Variants in RBFOX1 observed in about 807,000 individuals in gnomAD.
RBFOX1 encodes RNA binding fox-1 homolog 1.
RBFOX1 carries 8 observed loss-of-function variants against 57.7 expected under a neutral mutation model. The observed-to-expected ratio is 0.14, with a 90% CI of 0.08 to 0.25. The LOEUF (loss-of-function observed/expected upper bound fraction) is 0.25. RBFOX1 is among the 10% of genes least tolerant of loss of function. The pLI, the probability that RBFOX1 is intolerant of heterozygous loss-of-function variation, is 1.00. For missense variants in RBFOX1, 611 were observed against 548.5 expected, an observed-to-expected ratio of 1.11 and a Z score of -1.14; for synonymous variants, 326 against 222.4, an observed-to-expected ratio of 1.47 and a Z score of -4.15.
At chr16:6,692,992 T>C (rs1187968452) in intron 3 of RBFOX1, among the ~76,000 whole-genome samples, 1 of 150,676 alleles carries the variant, frequency 6.6e-6, no homozygotes, top group African/African-American at 2.5e-5. Flanking sequence ...ACCATCGTTC[T>C]CCTCCACTAC....
chr16:6,327,218 A>G (rs554354119), intron 2 of RBFOX1, among the ~76,000 whole-genome samples: 2 of 151,932 alleles, frequency 1.3e-5, no homozygotes, highest in Admixed American at 6.6e-5. Context: ...CTGCTTAAGC[A>G]TTGTTTTTTA....
At chr16:7,497,051 C>A (rs1156283771) in intron 4 of RBFOX1, among the ~76,000 whole-genome samples, 1 of 152,136 alleles carries the variant, frequency 6.6e-6, no homozygotes, top group African/African-American at 2.4e-5. Flanking sequence ...CCACCTTTTC[C>A]TGTCTCCAGC....
chr16:5,369,685 C>T (rs2065811203), intron 1 of RBFOX1, among the ~76,000 whole-genome samples: 1 of 152,228 alleles, frequency 6.6e-6, no homozygotes, highest in South Asian at 2.1e-4. Context: ...TTCCAAAGCA[C>T]ACCTGCTTTC....
At chr16:6,020,662 G>C (rs1354037231) in intron 1 of RBFOX1, among the ~76,000 whole-genome samples, 1 of 152,112 alleles carries the variant, frequency 6.6e-6, no homozygotes, top group Non-Finnish European at 1.5e-5. Flanking sequence ...GGAAACACAG[G>C]GGTAGCAGAT....
At chr16:6,693,659 A>G (rs113902809) in intron 3 of RBFOX1, among the ~76,000 whole-genome samples, 24,688 of 149,276 alleles carry the variant, frequency 0.17, 2,156 homozygotes, top group Middle Eastern at 0.23. Context: ...AATCATCATC[A>G]TCATCCTCAT....
intron 3 of RBFOX1, among the ~76,000 whole-genome samples, chr16:5,828,232 C>G (rs1287345873): frequency 6.6e-6 from 1 of 152,146 alleles, no homozygotes; most frequent in African/African-American, 2.4e-5. Flanking sequence ...TCCATTCAAC[C>G]ACCCACAAAT....
rs573208190 is a variant in RBFOX1 at position 7,261,451 on chromosome 16, C to G, written c.27+209353C>G. The stretch of plus-strand genomic sequence containing the variant: ...GTGCCTAATAGTTAAAAGTTGGATG[C>G]TTGTTGAGTAAGTGAGTGTATGAGT... On this transcript the variant is annotated intron_variant, in intron 4 of 15. Transcript: ENST00000550418. Among the ~76,000 whole-genome samples, 45 of 152,240 alleles carry G rather than the reference C, an allele frequency of 3.0e-4. 1 individual carries two copies. The highest frequency in any genetic ancestry group is 6.6e-4 in the Non-Finnish European group (45 of 68,022).
At chr16:5,471,809 G>A (rs865831571) in intron 2 of RBFOX1, among the ~76,000 whole-genome samples, 1 of 152,212 alleles carries the variant, frequency 6.6e-6, no homozygotes, top group African/African-American at 2.4e-5. Context: ...CTAGCCTAGA[G>A]TGGGGATCAA....
chr16:6,813,721 C>G (rs546949885), intron 3 of RBFOX1, among the ~76,000 whole-genome samples: 1 of 152,160 alleles, frequency 6.6e-6, no homozygotes, highest in African/African-American at 2.4e-5. Context: ...AAAATCTTCT[C>G]CCTCTGTCCC....
chr16:5,697,275 G>T (rs1421051317), intron 3 of RBFOX1, among the ~76,000 whole-genome samples: 1 of 151,640 alleles, frequency 6.6e-6, no homozygotes, highest in South Asian at 2.1e-4. Flanking sequence ...GACTGTTTTC[G>T]CTCTCTCTTT....
chr16:5,578,731 T>C (rs998671348), intron 2 of RBFOX1, among the ~76,000 whole-genome samples: 4 of 151,770 alleles, frequency 2.6e-5, no homozygotes, highest in Admixed American at 2.6e-4. Context: ...TAATGAACCA[T>C]GGAGGGAATG....
At chr16:6,999,013 C>G (rs1008909930) in intron 3 of RBFOX1, among the ~76,000 whole-genome samples, 6 of 151,246 alleles carry the variant, frequency 4.0e-5, no homozygotes, top group Non-Finnish European at 5.9e-5. Context: ...GAATTACAAG[C>G]ATCCACTACC....
At chr16:5,877,647 C>G (rs2057649148) in intron 4 of RBFOX1, among the ~76,000 whole-genome samples, 1 of 152,242 alleles carries the variant, frequency 6.6e-6, no homozygotes, top group Admixed American at 6.5e-5. Context: ...ACAGTAGCAG[C>G]AGAGGGACTG....
chr16:7,342,877 G>C (rs2096924857), intron 4 of RBFOX1, among the ~76,000 whole-genome samples: 1 of 152,196 alleles, frequency 6.6e-6, no homozygotes, highest in South Asian at 2.1e-4. Context: ...GGTTGCATCA[G>C]GGGGCCATGT....
intron 3 of RBFOX1, among the ~76,000 whole-genome samples, chr16:6,677,272 G>A (rs1489016586): frequency 1.3e-5 from 2 of 152,106 alleles, no homozygotes; most frequent in African/African-American, 2.4e-5. Context: ...CTGTTAGAAG[G>A]CACAGAATTA....
intron 1 of RBFOX1, among the ~76,000 whole-genome samples, chr16:6,161,840 C>T (rs1414562410): frequency 6.6e-6 from 1 of 152,182 alleles, no homozygotes; most frequent in Non-Finnish European, 1.5e-5. Context: ...AGCGTCTAGC[C>T]AGCTCCCTAA....
chr16:6,986,192 A>ATTTATTTG, intron 3 of RBFOX1, among the ~76,000 whole-genome samples: 1 of 147,028 alleles, frequency 6.8e-6, no homozygotes, highest in Non-Finnish European at 1.5e-5. Context: ...ATTTTTATTT[A>ATTTATTTG]TTTATTTATT....
At chr16:6,021,168 T>A (rs534679033) in intron 1 of RBFOX1, among the ~76,000 whole-genome samples, 1 of 152,312 alleles carries the variant, frequency 6.6e-6, no homozygotes, top group East Asian at 1.9e-4. Flanking sequence ...AAACATCATG[T>A]CTCCTAACTT....
At chr16:6,290,166 C>G (rs994684912) in intron 1 of RBFOX1, among the ~76,000 whole-genome samples, 1 of 137,880 alleles carries the variant, frequency 7.3e-6, no homozygotes, top group African/African-American at 2.6e-5. Context: ...GCTGCATTAC[C>G]TGAAAGTGAG....
Sources: allele counts gnomAD v4.1 joint callset (sites outside exome capture counted in the v4.1 genomes callset), GRCh38; gene constraint gnomAD v4.1.1; transcripts MANE v1.5; gene names NCBI Gene and HGNC (gene_info 2026-07-23, HGNC 2026-07-21).